ROCK1: variants seen among roughly 807,000 people sequenced by gnomAD.
The protein encoded by ROCK1 is Rho associated coiled-coil containing protein kinase 1.
ROCK1 carries 36 observed loss-of-function variants against 196.8 expected under a neutral mutation model. The ratio of observed to expected loss-of-function variants is 0.18; its 90% CI spans 0.14 to 0.24. The LOEUF (loss-of-function observed/expected upper bound fraction) is 0.24. Among genes scored for constraint, ROCK1 ranks in the 10% least tolerant of loss-of-function variants. The pLI, the probability that ROCK1 is intolerant of heterozygous loss-of-function variation, is 1.00. For missense variants in ROCK1, 920 were observed against 1,562.0 expected, an observed-to-expected ratio of 0.59 and a Z score of 6.93; for synonymous variants, 443 against 515.9, an observed-to-expected ratio of 0.86 and a Z score of 1.91.
chr18:21,017,360 T>G (rs548549304), intron 12 of ROCK1, among the ~76,000 whole-genome samples: 6 of 151,604 alleles, frequency 4.0e-5, no homozygotes, highest in African/African-American at 1.4e-4. Context: ...CCCAGCTAAT[T>G]TTTTGTATTT....
rs145772177 is a variant in ROCK1 at position 21,033,552 on chromosome 18, C to G, written c.1052-4617G>C. Among the ~76,000 whole-genome samples, 209 of 151,952 alleles carry G rather than the reference C, an allele frequency of 1.4e-3. 1 individual carries two copies. The highest frequency in any genetic ancestry group is 4.8e-3 in the African/African-American group (198 of 41,444). On this transcript the variant is annotated intron_variant, in intron 9 of 32. Coordinates refer to ENST00000399799, the MANE Select transcript of ROCK1 (RefSeq NM_005406.3). The stretch of plus-strand genomic sequence containing the variant: ...GAAGAAGTAAAACTATCTCTATTTG[C>G]AGGTGACATGATCCTATCATAGAAA...
At chr18:21,045,674 A>C (rs1029527876) in intron 4 of ROCK1, among the ~76,000 whole-genome samples, 1 of 152,174 alleles carries the variant, frequency 6.6e-6, no homozygotes, top group Non-Finnish European at 1.5e-5. Context: ...TATTCAGAAG[A>C]GTTACATGGA....
chr18:20,997,656 G>T (rs968247039), intron 16 of ROCK1, among the ~76,000 whole-genome samples: 2 of 152,088 alleles, frequency 1.3e-5, no homozygotes, highest in African/African-American at 4.8e-5. Flanking sequence ...AATATTTACA[G>T]AACATTTCAT....
chr18:21,061,200 T>TC (rs1225061084), intron 2 of ROCK1, among the ~76,000 whole-genome samples: 1 of 151,612 alleles, frequency 6.6e-6, no homozygotes, highest in Non-Finnish European at 1.5e-5. Context: ...TGCCTCAGCC[T>TC]CCCAAGTAGC....
At chr18:21,015,984 A>C in intron 12 of ROCK1, among the ~76,000 whole-genome samples, 1 of 152,076 alleles carries the variant, frequency 6.6e-6, no homozygotes, top group Admixed American at 6.5e-5. Flanking sequence ...CATCTCAAAA[A>C]AAAAAAAGAA....
At chr18:21,036,238 G>A (rs2036055853) in intron 9 of ROCK1, among the ~76,000 whole-genome samples, 1 of 152,056 alleles carries the variant, frequency 6.6e-6, no homozygotes, top group Admixed American at 6.6e-5. Context: ...AAACAGAAAG[G>A]TTACTAGTCT....
chr18:20,971,466 C>A (rs1271414263), intron 22 of ROCK1, among the ~76,000 whole-genome samples: 1 of 151,854 alleles, frequency 6.6e-6, no homozygotes, highest in Non-Finnish European at 1.5e-5. Flanking sequence ...AGGCCGGAAG[C>A]AGTGGCTCAC....
At chr18:21,007,322 ATCTG>A (rs1250369718) in intron 14 of ROCK1, among the ~76,000 whole-genome samples, 3 of 152,164 alleles carry the variant, frequency 2.0e-5, no homozygotes, top group East Asian at 1.9e-4. Context: ...TCACTTAAAG[ATCTG>A]TCTTAGAGAC....
intron 1 of ROCK1, among the ~76,000 whole-genome samples, chr18:21,104,465 C>T (rs1308692679): frequency 3.3e-5 from 5 of 152,056 alleles, no homozygotes; most frequent in African/African-American, 7.2e-5. Flanking sequence ...GGTGCGGTGG[C>T]GGGCGCCTGT....
chr18:21,044,526 C>G (rs1289222266), intron 5 of ROCK1, among the ~76,000 whole-genome samples: 1 of 152,150 alleles, frequency 6.6e-6, no homozygotes, highest in Non-Finnish European at 1.5e-5. Context: ...AAAAACCCCA[C>G]GGCAGGGTCT....
intron 27 of ROCK1, among the ~76,000 whole-genome samples, chr18:20,963,213 T>C (rs1254808118): frequency 6.6e-6 from 1 of 152,136 alleles, no homozygotes; most frequent in Non-Finnish European, 1.5e-5. Flanking sequence ...GTTAGATGTA[T>C]ATTACTGCAA....
At chr18:21,084,638 A>C (rs770939259) in intron 1 of ROCK1, among the ~76,000 whole-genome samples, 2 of 152,208 alleles carry the variant, frequency 1.3e-5, no homozygotes, top group African/African-American at 2.4e-5. Flanking sequence ...ATGAAACGTA[A>C]TGAAACTGGA....
chr18:21,042,158 G>A lies in ROCK1; in HGVS notation c.898C>T (p.Pro300Ser). ...TCTTTTGATATGTCATTATCATCAGGAAAGGTAAGTGAATTTTTATGGTTC... is the reference window on the plus strand; with the variant it reads ...TCTTTTGATATGTCATTATCATCAGAAAAGGTAAGTGAATTTTTATGGTTC... Reference protein sequence around the residue: ...IMNHKNSLTFPDDNDISKEAK... With the variant: ...IMNHKNSLTFSDDNDISKEAK... The change falls in exon 8 of 33, where the codon CCT becomes TCT. Residue 300 changes from proline (P) to serine (S), a missense_variant. Pro to Ser is a moderately conservative substitution (Grantham distance 74, BLOSUM62 -1). Coordinates refer to ENST00000399799, the MANE Select transcript of ROCK1 (RefSeq NM_005406.3). The A allele has an allele frequency of 1.2e-6, 2 of 1,606,628 alleles. No homozygotes were observed. The highest frequency in any genetic ancestry group is 1.7e-6 in the Non-Finnish European group (2 of 1,177,228).
chr18:21,014,625 T>C (rs924059041), intron 13 of ROCK1, among the ~76,000 whole-genome samples: 5 of 152,180 alleles, frequency 3.3e-5, no homozygotes, highest in African/African-American at 1.2e-4. Context: ...GAGTCAAATA[T>C]ATACTGCTAA....
At chr18:21,065,406 C>A (rs1463208614) in intron 2 of ROCK1, among the ~76,000 whole-genome samples, 1 of 151,746 alleles carries the variant, frequency 6.6e-6, no homozygotes, top group East Asian at 1.9e-4. Flanking sequence ...CATTTATACC[C>A]GGAGGTTCAT....
intron 22 of ROCK1, among the ~76,000 whole-genome samples, chr18:20,976,332 C>G (rs573180266): frequency 9.0e-4 from 137 of 152,290 alleles, no homozygotes; most frequent in African/African-American, 3.1e-3. Flanking sequence ...CTTGTTCACA[C>G]AGGTATATTT....
intron 11 of ROCK1, among the ~76,000 whole-genome samples, chr18:21,023,240 T>C (rs2035929225): frequency 6.6e-6 from 1 of 152,192 alleles, no homozygotes; most frequent in African/African-American, 2.4e-5. Flanking sequence ...ATTAAAACGG[T>C]AAATTTCATG....
intron 16 of ROCK1, among the ~76,000 whole-genome samples, chr18:21,000,867 CACA>C (rs1157987782): frequency 2.6e-5 from 4 of 152,104 alleles, no homozygotes; most frequent in Admixed American, 2.6e-4. Flanking sequence ...TCCAAAGTTA[CACA>C]TAGAATTACA....
At chr18:20,957,202 G>A (rs1365873225) in intron 29 of ROCK1, among the ~76,000 whole-genome samples, 5 of 152,208 alleles carry the variant, frequency 3.3e-5, no homozygotes, top group African/African-American at 1.2e-4. Context: ...TTAAAAAAAG[G>A]AATGCTCATA....
Sources: gnomAD v4.1 joint callset for allele counts (sites outside exome capture counted in the v4.1 genomes callset) on GRCh38, gnomAD v4.1.1 for gene constraint, MANE v1.5 for transcripts, NCBI Gene and HGNC (gene_info 2026-07-23, HGNC 2026-07-21) for gene names.